Variants in CLASRP observed in about 807,000 individuals in gnomAD.
CLASRP encodes the protein CLK4 associating serine/arginine rich protein, also known as CLK4-associating serine/arginine rich protein.
In CLASRP, 52 loss-of-function variants were observed where a neutral mutation model predicts 99.9. That is an observed-to-expected ratio of 0.52 (90% CI 0.42 to 0.66). CLASRP has a LOEUF of 0.66. Ranked by LOEUF, CLASRP falls within the 30% of genes least tolerant of loss-of-function variation. The pLI, the probability that CLASRP is intolerant of heterozygous loss-of-function variation, is 0.00. For synonymous variants in CLASRP, 379 were observed against 373.0 expected (o/e 1.02, Z -0.18); for missense variants, 848 against 999.2 (o/e 0.85, Z 2.04).
intron 18 of CLASRP, 23 bp from the exon 19 acceptor site, chr19:45,069,999 A>G (rs1311394749): frequency 2.9e-6 from 4 of 1,401,436 alleles, no homozygotes; most frequent in Non-Finnish European, 4.1e-6. Flanking sequence ...TCCCGGCCAG[A>G]TGCTCATGCC....
At chr19:45,040,150 A>G in intron 1 of CLASRP, 34 bp from the exon 2 acceptor site, 1 of 1,257,636 alleles carries the variant, frequency 8.0e-7, no homozygotes, top group Non-Finnish European at 1.1e-6. Context: ...GGTTTCACAG[A>G]CCATCTGACT....
chr19:45,041,574 C>T (rs1328929009), intron 2 of CLASRP, among the ~76,000 whole-genome samples: 3 of 152,206 alleles, frequency 2.0e-5, no homozygotes, highest in Admixed American at 6.5e-5. Flanking sequence ...TGTATTACTG[C>T]CCCAGCCTCC....
At chr19:45,044,415 A>G (rs961440743) in intron 2 of CLASRP, among the ~76,000 whole-genome samples, 2 of 152,168 alleles carry the variant, frequency 1.3e-5, no homozygotes, top group African/African-American at 4.8e-5. Flanking sequence ...GGTTCTTACT[A>G]TTTCCATTTT....
chr19:45,070,429 A>G, intron 19 of CLASRP, 108 bp from the exon 20 acceptor site: 1 of 989,798 alleles, frequency 1.0e-6, no homozygotes, highest in South Asian at 1.3e-5. Flanking sequence ...ATGTCCCCTC[A>G]TTTGGAGACA....
chr19:45,067,538 AAG>A lies in CLASRP; in HGVS notation c.1617_1618del (p.Lys540AlafsTer23). 6.2e-7 allele frequency: 1 copy of A among 1,605,008 alleles called. No individual in the cohort carries two copies. Among genetic ancestry groups the A allele is most frequent in the South Asian group, 1.1e-5 (1 of 90,800 alleles). ...RSQSPSPSPA[R>X]EKLTRPAASP... ...GCCAGAGCCCCTCGCCATCACCCGC[AAG>A]AGAGAAGCTGACCAGGCCGGCCGCG... On this transcript the variant is annotated frameshift_variant, in exon 14 of 21. Transcript: ENST00000221455. LOFTEE classifies it high-confidence loss of function. The surrounding 1 kb of genome is among the most constrained non-coding windows in gnomAD (Gnocchi z 4.9).
chr19:45,040,108 A>G (rs1218938654), intron 1 of CLASRP, 76 bp from the exon 2 acceptor site: 12 of 753,832 alleles, frequency 1.6e-5, no homozygotes, highest in Admixed American at 2.4e-5. Flanking sequence ...TCTGCCACCA[A>G]CTTGTTAGAT....
rs774748833 is a variant in CLASRP, at chr19:45,067,094, A to G, written c.1410-243A>G. ...TAGTGAGGGAGAGGTGACGTGGGCC[A>G]GGCAGGGCTCATGATGGCAGGACTG... On this transcript the variant is annotated intron_variant, in intron 13 of 20. Transcript: ENST00000221455. This position sits in a 1 kb window ranked among gnomAD's most constrained non-coding sequence, Gnocchi z 4.9. 1.9e-4 allele frequency among the ~76,000 whole-genome samples: 29 copies of G among 152,232 alleles called. No individual in the cohort carries two copies. The highest frequency in any genetic ancestry group is 3.8e-4 in the Non-Finnish European group (26 of 68,038).
At chr19:45,057,685 G>A in intron 6 of CLASRP, 65 bp from the exon 7 acceptor site, 1 of 1,589,728 alleles carries the variant, frequency 6.3e-7, no homozygotes, top group Non-Finnish European at 8.6e-7. Flanking sequence ...ACTGGTGTGT[G>A]GGGCTAGCCT....
At chr19:45,058,585 C>T (rs1234292187) in intron 7 of CLASRP, among the ~76,000 whole-genome samples, 1 of 152,052 alleles carries the variant, frequency 6.6e-6, no homozygotes, top group East Asian at 1.9e-4. Context: ...GGGGGTTTCA[C>T]CATATTGGTC....
At chr19:45,053,064 C>T in intron 4 of CLASRP, 34 bp from the exon 5 acceptor site, 1 of 1,612,262 alleles carries the variant, frequency 6.2e-7, no homozygotes, top group Non-Finnish European at 8.5e-7. Flanking sequence ...TCCACTCCTT[C>T]TCTCTGATTT....
chr19:45,040,302 T>C lies in CLASRP; in HGVS notation c.90T>C (p.Tyr30=), dbSNP rs746486921. Residue 30 remains tyrosine (Y), a synonymous_variant, in exon 2 of 21, where the codon TAT becomes TAC. Coordinates refer to ENST00000221455, the MANE Select transcript of CLASRP (RefSeq NM_007056.3). Reference sequence around the variant, plus strand: ...GGGCGGAGCGGAGACGGGAGTATTATGAAAAGATCGTGAGTAACTGGCCTT... The same window carrying C: ...GGGCGGAGCGGAGACGGGAGTATTACGAAAAGATCGTGAGTAACTGGCCTT... The part of the protein sequence containing the change: ...KKRAERRREY[Y]EKIKKDPAQF... 6.8e-6 allele frequency: 11 copies of C among 1,608,856 alleles called. No homozygotes were observed. Among genetic ancestry groups the C allele is most frequent in the East Asian group, 2.2e-5 (1 of 44,802 alleles).
At chr19:45,054,304 C>T (rs1029067161) in intron 5 of CLASRP, among the ~76,000 whole-genome samples, 3 of 152,170 alleles carry the variant, frequency 2.0e-5, no homozygotes, top group Non-Finnish European at 2.9e-5. Context: ...GGCTGGCATG[C>T]AGTGGCGCAA....
Position 45,059,209 on chromosome 19 carries a change from C to A in CLASRP, c.614-59C>A, listed in dbSNP as rs1403332847. On this transcript the variant is annotated intron_variant, in intron 7 of 20. Coordinates refer to ENST00000221455, the MANE Select transcript of CLASRP (RefSeq NM_007056.3). ...TCATCCCCGCCTCCTGGAGCACTGC[C>A]CCTTCTCCCCTGTCCTCTCGCTCGG... is the stretch of plus-strand genomic sequence containing the variant. 2.8e-6 allele frequency: 4 copies of A among 1,430,818 alleles called. No homozygotes were observed. In the East Asian group the frequency reaches 9.7e-5, roughly 35 times the overall value. The allele number at this position is 1,430,818 out of a possible 1,614,324, so 88.6% of individuals were successfully genotyped here. A position where few individuals can be genotyped will look rare whatever the true frequency, so the allele number is the denominator to read the frequency against.
rs1966906077 is a variant in CLASRP at position 45,060,127 on chromosome 19, T to C, written c.711-262T>C. Among the ~76,000 whole-genome samples, 1 of 152,192 alleles carries C rather than the reference T, an allele frequency of 6.6e-6. No individual in the cohort carries two copies. The highest frequency in any genetic ancestry group is 2.4e-5 in the African/African-American group (1 of 41,458). ...ACCATCTAATGGACCACACATTTTA[T>C]TCCCTTGCTCATTATCTTCTCCCCT... is the stretch of plus-strand genomic sequence containing the variant. On this transcript the variant is annotated intron_variant, in intron 8 of 20. Coordinates refer to ENST00000221455, the MANE Select transcript of CLASRP (RefSeq NM_007056.3). The surrounding 1 kb of genome is among the most constrained non-coding windows in gnomAD (Gnocchi z 4.6).
chr19:45,046,394 CAG>C (rs1310945089), intron 2 of CLASRP, among the ~76,000 whole-genome samples: 1 of 152,210 alleles, frequency 6.6e-6, no homozygotes, highest in African/African-American at 2.4e-5. Context: ...GATAAAGAAA[CAG>C]AATCCTCTGT....
At chr19:45,044,931 C>G (rs560026312) in intron 2 of CLASRP, among the ~76,000 whole-genome samples, 21 of 152,342 alleles carry the variant, frequency 1.4e-4, no homozygotes, top group African/African-American at 5.1e-4. Flanking sequence ...AGCCCATTTC[C>G]TCTTCCACAT....
At chr19:45,044,726 C>T (rs965013980) in intron 2 of CLASRP, among the ~76,000 whole-genome samples, 3 of 152,088 alleles carry the variant, frequency 2.0e-5, no homozygotes, top group Admixed American at 6.6e-5. Flanking sequence ...TGCACCACTG[C>T]ACTGGAACCT....
chr19:45,042,618 T>A (rs1310191686), intron 2 of CLASRP, among the ~76,000 whole-genome samples: 6 of 140,804 alleles, frequency 4.3e-5, no homozygotes, highest in Admixed American at 2.8e-4. Flanking sequence ...CTCCAAAATC[T>A]TTTTTTTTTT....
intron 13 of CLASRP, among the ~76,000 whole-genome samples, chr19:45,065,914 C>T (rs534163422): frequency 4.3e-4 from 66 of 152,252 alleles, no homozygotes; most frequent in African/African-American, 1.5e-3. Flanking sequence ...TCATTACCTG[C>T]GTTATTGTAG....
Sources: allele counts gnomAD v4.1 joint callset (sites outside exome capture counted in the v4.1 genomes callset), GRCh38; gene constraint gnomAD v4.1.1; non-coding constraint Gnocchi (gnomAD v3.1); transcripts MANE v1.5; gene names NCBI Gene and HGNC (gene_info 2026-07-23, HGNC 2026-07-21).